The following PIK3C2G variants were observed in gnomAD, a reference collection of about 807,000 sequenced individuals.
PIK3C2G encodes phosphatidylinositol-4-phosphate 3-kinase catalytic subunit type 2 gamma, also known as phosphatidylinositol 3-kinase C2 domain-containing subunit gamma.
In PIK3C2G, 168 loss-of-function variants were observed where a neutral mutation model predicts 181.1. The ratio of observed to expected loss-of-function variants is 0.93; its 90% CI spans 0.82 to 1.05. The LOEUF is 1.05. Ranked by LOEUF, PIK3C2G falls within the 50% of genes least tolerant of loss-of-function variation. The pLI is 0.00. For synonymous variants in PIK3C2G, 573 were observed against 592.2 expected (o/e 0.97, Z 0.47); for missense variants, 1,869 against 1,732.8 (o/e 1.08, Z -1.40).
At position 18,371,200 on chromosome 12, in the gene PIK3C2G, T is replaced by C. The variant is rs774109818; in HGVS notation, c.1769T>C (p.Ile590Thr). 41 of 1,609,364 alleles carry C rather than the reference T, an allele frequency of 2.5e-5. No homozygotes were observed. In the South Asian group the frequency reaches 4.3e-4, roughly 17 times the overall value. Reference sequence around the variant, plus strand: ...CTCAGGATCAATTTTCCCCTTGAAATAAAGTCACTTCCAAGGGAATCCATG... The same window carrying C: ...CTCAGGATCAATTTTCCCCTTGAAACAAAGTCACTTCCAAGGGAATCCATG... The part of the protein sequence containing the change: ...WNETINFPLE[I>T]KSLPRESMLT... The change falls in exon 13 of 33, where the codon ATA (isoleucine) becomes ACA (threonine). Residue 590 changes from isoleucine (I) to threonine (T), a missense_variant. By Grantham distance (89) the Ile-to-Thr change is moderately conservative. Transcript: ENST00000538779.
At chr12:18,376,725 G>A (rs1029740111) in intron 13 of PIK3C2G, among the ~76,000 whole-genome samples, 11 of 152,114 alleles carry the variant, frequency 7.2e-5, no homozygotes, top group Non-Finnish European at 1.6e-4. Flanking sequence ...CATGGAGATG[G>A]GTCCTTCTTG....
intron 5 of PIK3C2G, among the ~76,000 whole-genome samples, chr12:18,294,954 T>C (rs1267687814): frequency 6.6e-6 from 1 of 151,712 alleles, no homozygotes; most frequent in Non-Finnish European, 1.5e-5. Context: ...GACATTCTTA[T>C]TAGTAAATCC....
At chr12:18,385,823 C>T (rs531668442) in intron 14 of PIK3C2G, among the ~76,000 whole-genome samples, 1 of 152,174 alleles carries the variant, frequency 6.6e-6, no homozygotes, top group South Asian at 2.1e-4. Flanking sequence ...ATCTCGGACC[C>T]CCAAAGTGCT....
the PIK3C2G span, among the ~76,000 whole-genome samples, chr12:18,679,289 T>A: frequency 1.3e-5 from 2 of 152,016 alleles, no homozygotes; most frequent in Admixed American, 6.6e-5. Flanking sequence ...GAAGTTCTTT[T>A]TAAAAAAATT....
chr12:18,693,243 G>A, the PIK3C2G span: 15 of 1,552,806 alleles, frequency 9.7e-6, no homozygotes, highest in Admixed American at 5.0e-5. Context: ...CAACCACAAG[G>A]TGCATACCAT....
chr12:18,426,607 C>T (rs1243620736), intron 18 of PIK3C2G, among the ~76,000 whole-genome samples: 1 of 152,118 alleles, frequency 6.6e-6, no homozygotes, highest in Non-Finnish European at 1.5e-5. Context: ...GTTTTACTCT[C>T]CTGAATGTAT....
intron 15 of PIK3C2G, among the ~76,000 whole-genome samples, chr12:18,397,657 A>G (rs1042535221): frequency 2.5e-4 from 38 of 152,082 alleles, no homozygotes; most frequent in Admixed American, 2.4e-3. Flanking sequence ...AAATGGAACT[A>G]TCATACTCTG....
At chr12:18,583,665 G>C (rs1946618642) in intron 29 of PIK3C2G, among the ~76,000 whole-genome samples, 2 of 152,126 alleles carry the variant, frequency 1.3e-5, no homozygotes, top group African/African-American at 2.4e-5. Flanking sequence ...CTTCTTACTA[G>C]GCAGGGCTTC....
intron 32 of PIK3C2G, among the ~76,000 whole-genome samples, chr12:18,645,539 C>T (rs958154935): frequency 6.6e-6 from 1 of 152,226 alleles, no homozygotes; most frequent in East Asian, 1.9e-4. Context: ...TGCTAAATAC[C>T]TGGAAGACTC....
intron 26 of PIK3C2G, among the ~76,000 whole-genome samples, chr12:18,559,740 T>C (rs1464587848): frequency 1.5e-5 from 2 of 131,460 alleles, no homozygotes; most frequent in African/African-American, 5.7e-5. Flanking sequence ...AGGGAGGAGA[T>C]CAAAGGAGAA....
intron 16 of PIK3C2G, among the ~76,000 whole-genome samples, chr12:18,400,711 G>A (rs1019607399): frequency 6.6e-6 from 1 of 152,016 alleles, no homozygotes; most frequent in African/African-American, 2.4e-5. Flanking sequence ...AAAGGGGAGA[G>A]TGGGTTTTTC....
At chr12:18,724,801 T>G in the PIK3C2G span, among the ~76,000 whole-genome samples, 2 of 152,206 alleles carry the variant, frequency 1.3e-5, no homozygotes, top group East Asian at 1.9e-4. Context: ...CAATAAAAAT[T>G]TAAAATGTGC....
the PIK3C2G span, among the ~76,000 whole-genome samples, chr12:18,671,628 A>G: frequency 6.6e-6 from 1 of 152,188 alleles, no homozygotes; most frequent in African/African-American, 2.4e-5. Context: ...ACATATGGCT[A>G]GTGGCTACTA....
intron 28 of PIK3C2G, among the ~76,000 whole-genome samples, chr12:18,563,922 C>T (rs1426501981): frequency 6.7e-6 from 1 of 149,600 alleles, no homozygotes; most frequent in Non-Finnish European, 1.5e-5. Context: ...TACACATAGG[C>T]TTATTAATAT....
chr12:18,592,779 C>T (rs575412069), intron 29 of PIK3C2G, among the ~76,000 whole-genome samples: 38 of 151,914 alleles, frequency 2.5e-4, no homozygotes, highest in African/African-American at 8.0e-4. Flanking sequence ...TGAGGAAAAA[C>T]GGAAGAAGAG....
chr12:18,599,953 T>C (rs949813819), intron 30 of PIK3C2G, among the ~76,000 whole-genome samples: 46 of 152,036 alleles, frequency 3.0e-4, no homozygotes, highest in African/African-American at 1.1e-3. Context: ...GCAGAAATTA[T>C]TGAACACACA....
rs537875895 is a variant in PIK3C2G at position 18,616,401 on chromosome 12, G to A, written c.4182+6772G>A. Among the ~76,000 whole-genome samples the A allele has an allele frequency of 1.1e-4, 17 of 152,138 alleles. No individual in the cohort carries two copies. In the East Asian group the frequency reaches 1.2e-3, roughly 10 times the overall value. ...ATATCCACAATCCAGAAAAGCTTAA[G>A]CTATATTTATAAATCAATAGCTTTT... On this transcript the variant is annotated intron_variant, in intron 31 of 32. Transcript: ENST00000538779.
intron 1 of PIK3C2G, 107 bp from the exon 2 acceptor site, chr12:18,281,897 A>G: frequency 3.6e-6 from 2 of 548,020 alleles, no homozygotes; most frequent in Non-Finnish European, 6.5e-6. Flanking sequence ...CACTTGCTAA[A>G]AAAAAGCCCA....
chr12:18,287,739 C>A (rs1305898869), intron 3 of PIK3C2G, among the ~76,000 whole-genome samples: 1 of 151,536 alleles, frequency 6.6e-6, no homozygotes, highest in Admixed American at 6.6e-5. Context: ...TGGCGTGCAC[C>A]TGTAACACCA....
Sources: allele counts gnomAD v4.1 joint callset (sites outside exome capture counted in the v4.1 genomes callset), GRCh38; gene constraint gnomAD v4.1.1; transcripts MANE v1.5; gene names NCBI Gene and HGNC (gene_info 2026-07-23, HGNC 2026-07-21).